The following PDE4B variants were observed in gnomAD, a reference collection of about 807,000 sequenced individuals.
The protein encoded by PDE4B is phosphodiesterase 4B.
In PDE4B, 20 loss-of-function variants were observed where a neutral mutation model predicts 82.2. The ratio of observed to expected loss-of-function variants is 0.24; its 90% CI spans 0.17 to 0.35. The LOEUF (loss-of-function observed/expected upper bound fraction) is 0.35, where lower values mean the gene tolerates loss of function less well. Among genes scored for constraint, PDE4B ranks in the 10% least tolerant of loss-of-function variants. The pLI is 1.00. For synonymous variants in PDE4B, 320 were observed against 318.9 expected, an observed-to-expected ratio of 1.00 and a Z score of -0.04; for missense variants, 655 against 907.2, an observed-to-expected ratio of 0.72 and a Z score of 3.57.
At chr1:66,332,863 A>G (rs543563301) in intron 8 of PDE4B, among the ~76,000 whole-genome samples, 1 of 152,250 alleles carries the variant, frequency 6.6e-6, no homozygotes, top group Admixed American at 6.5e-5. Context: ...TTACTGATGC[A>G]GTTTGGAATA....
At chr1:65,901,279 A>G (rs1646969483) in intron 1 of PDE4B, among the ~76,000 whole-genome samples, 1 of 152,182 alleles carries the variant, frequency 6.6e-6, no homozygotes, top group Non-Finnish European at 1.5e-5. Flanking sequence ...ATTATGAATT[A>G]ACCTTGCATC....
chr1:65,841,841 T>C (rs1490224333), intron 1 of PDE4B, among the ~76,000 whole-genome samples: 1 of 152,136 alleles, frequency 6.6e-6, no homozygotes, highest in Non-Finnish European at 1.5e-5. Flanking sequence ...AGAAATTCCA[T>C]TTTGGATTGT....
intron 3 of PDE4B, among the ~76,000 whole-genome samples, chr1:66,013,289 T>C (rs1340861762): frequency 2.0e-5 from 3 of 152,006 alleles, no homozygotes; most frequent in Non-Finnish European, 2.9e-5. Context: ...GAACCAAAGG[T>C]GAATCATAAT....
chr1:66,281,887 C>T (rs1254432027), intron 7 of PDE4B, among the ~76,000 whole-genome samples: 1 of 152,172 alleles, frequency 6.6e-6, no homozygotes, highest in Admixed American at 6.5e-5. Flanking sequence ...AAGACACTCA[C>T]TCAGCTTGTA....
At chr1:66,050,562 A>G (rs1456033908) in intron 3 of PDE4B, 10 of 152,174 alleles carry the variant, frequency 6.6e-5, no homozygotes, top group Admixed American at 6.6e-4. Flanking sequence ...AATGCCGTAT[A>G]GACTTTGGGA....
intron 1 of PDE4B, among the ~76,000 whole-genome samples, chr1:65,828,417 T>C (rs986271558): frequency 2.6e-5 from 4 of 152,172 alleles, no homozygotes; most frequent in African/African-American, 9.6e-5. Flanking sequence ...GTCTAATTTT[T>C]GTATTTTTAG....
intron 1 of PDE4B, among the ~76,000 whole-genome samples, chr1:65,903,088 C>A (rs1646989533): frequency 6.6e-6 from 1 of 152,112 alleles, no homozygotes; most frequent in African/African-American, 2.4e-5. Flanking sequence ...TGCTCTAAGA[C>A]ATTTTATGGA....
intron 1 of PDE4B, among the ~76,000 whole-genome samples, chr1:65,825,227 C>T (rs534277112): frequency 3.9e-5 from 6 of 152,212 alleles, no homozygotes; most frequent in Non-Finnish European, 7.4e-5. Context: ...TCTTCCCCAC[C>T]TCCCCTTTTT....
intron 3 of PDE4B, among the ~76,000 whole-genome samples, chr1:66,121,634 A>G (rs1036590200): frequency 3.3e-5 from 5 of 152,178 alleles, no homozygotes; most frequent in African/African-American, 1.2e-4. Flanking sequence ...CGAGGTAGAA[A>G]ATCTTCCTTT....
chr1:65,966,553 A>G (rs908658688), intron 3 of PDE4B, among the ~76,000 whole-genome samples: 6 of 152,218 alleles, frequency 3.9e-5, no homozygotes, highest in Admixed American at 6.5e-5. Context: ...ATTACTTTAA[A>G]TTTTACATGG....
At chr1:66,248,316 A>G (rs879169191) in intron 4 of PDE4B, among the ~76,000 whole-genome samples, 1 of 152,332 alleles carries the variant, frequency 6.6e-6, no homozygotes, top group Admixed American at 6.5e-5. Flanking sequence ...ACCAAATAAA[A>G]TTGGATTCTG....
Position 66,260,335 on chromosome 1 carries a change from A to T in PDE4B, c.584+2472A>T, listed in dbSNP as rs542104875. ...CTCTTTTCATTTGCCAAACCTGTTAAGTCTTCTGGGTTATAGGAAGAAGTC... is the reference window on the plus strand; with the variant it reads ...CTCTTTTCATTTGCCAAACCTGTTATGTCTTCTGGGTTATAGGAAGAAGTC... On this transcript the variant is annotated intron_variant, in intron 6 of 16. Coordinates refer to ENST00000341517, the MANE Select transcript of PDE4B (RefSeq NM_002600.4). 1.1e-4 allele frequency among the ~76,000 whole-genome samples: 16 copies of T among 152,332 alleles called. No individual in the cohort carries two copies. The South Asian group carries it at 3.3e-3, about 32-fold the overall frequency.
At chr1:66,021,792 C>T (rs959130737) in intron 3 of PDE4B, among the ~76,000 whole-genome samples, 19 of 152,176 alleles carry the variant, frequency 1.2e-4, no homozygotes, top group East Asian at 1.9e-4. Context: ...CTTGGCAATG[C>T]GGGCTCTTTT....
chr1:66,201,230 T>C (rs372858886), intron 3 of PDE4B, among the ~76,000 whole-genome samples: 38 of 150,240 alleles, frequency 2.5e-4, no homozygotes, highest in East Asian at 7.8e-4. Flanking sequence ...TTTTGATGTG[T>C]TGCTGGATTC....
chr1:66,027,555 T>G (rs965228185), intron 3 of PDE4B, among the ~76,000 whole-genome samples: 1 of 152,112 alleles, frequency 6.6e-6, no homozygotes, highest in Non-Finnish European at 1.5e-5. Context: ...GTGACAGCAT[T>G]AACCCAAAAA....
chr1:65,975,631 G>C (rs912732555), intron 3 of PDE4B, among the ~76,000 whole-genome samples: 101 of 152,288 alleles, frequency 6.6e-4, no homozygotes, highest in Middle Eastern at 3.4e-3. Context: ...AGGGAAAAAT[G>C]GTTTTGTGGA....
intron 7 of PDE4B, among the ~76,000 whole-genome samples, chr1:66,269,737 A>G (rs1304417933): frequency 2.0e-5 from 3 of 152,150 alleles, no homozygotes; most frequent in Admixed American, 1.3e-4. Context: ...CACATATGTC[A>G]TGACAGTAAG....
chr1:66,140,230 A>G (rs1238643170), intron 3 of PDE4B, among the ~76,000 whole-genome samples: 3 of 152,090 alleles, frequency 2.0e-5, no homozygotes, highest in Non-Finnish European at 4.4e-5. Flanking sequence ...CCCAACTGCC[A>G]CTCACTTCCT....
intron 3 of PDE4B, among the ~76,000 whole-genome samples, chr1:66,104,583 C>G (rs1310108288): frequency 3.4e-5 from 5 of 149,030 alleles, no homozygotes; most frequent in African/African-American, 1.2e-4. Context: ...TACTTCTCCA[C>G]ATCCTCTCCA....
Sources: gnomAD v4.1 joint callset for allele counts (sites outside exome capture counted in the v4.1 genomes callset) on GRCh38, gnomAD v4.1.1 for gene constraint, MANE v1.5 for transcripts, NCBI Gene and HGNC (gene_info 2026-07-23, HGNC 2026-07-21) for gene names.